The following PSMC4 variants were observed in gnomAD, a reference collection of about 807,000 sequenced individuals.
PSMC4 encodes proteasome 26S subunit, ATPase 4.
Under a neutral mutation model 48.4 loss-of-function variants are expected in PSMC4, and 13 were observed. The observed-to-expected ratio is 0.27, with a 90% CI of 0.18 to 0.43. PSMC4 has a LOEUF of 0.43. Among genes scored for constraint, PSMC4 ranks in the 20% least tolerant of loss-of-function variants. The pLI, the probability that PSMC4 is intolerant of heterozygous loss-of-function variation, is 1.00. For missense variants in PSMC4, 262 were observed against 555.9 expected, an observed-to-expected ratio of 0.47 and a Z score of 5.32; for synonymous variants, 202 against 212.3, an observed-to-expected ratio of 0.95 and a Z score of 0.42.
chr19:39,977,683 A>C (rs1568376191), intron 6 of PSMC4, among the ~76,000 whole-genome samples: 1 of 152,024 alleles, frequency 6.6e-6, no homozygotes, highest in Non-Finnish European at 1.5e-5. Context: ...TTAGCCAGGC[A>C]TGGTGGTGGG....
rs1037387156 is a variant in PSMC4, at chr19:39,974,569, T to A, written c.515T>A (p.Ile172Asn). ...VMYADIGGMD[I>N]QKQEVREAVE... ...TACGCGGACATCGGAGGCATGGACA[T>A]CCAGAAGCAGGAGGTGCGGGAGGCC... is the stretch of plus-strand genomic sequence containing the variant. Residue 172 changes from isoleucine to asparagine, a missense_variant, in exon 5 of 11, where the codon ATC (isoleucine) becomes AAC (asparagine). By Grantham distance (149) the Ile-to-Asn change is moderately radical. Coordinates refer to ENST00000157812, the MANE Select transcript of PSMC4 (RefSeq NM_006503.4). This position sits in a 1 kb window ranked among gnomAD's most constrained non-coding sequence, Gnocchi z 5.5. 6.2e-7 allele frequency: 1 copy of A among 1,613,880 alleles called. No homozygotes were observed. The highest frequency in any genetic ancestry group is 8.5e-7 in the Non-Finnish European group (1 of 1,180,002).
At chr19:39,976,592 T>G (rs1384574612) in intron 6 of PSMC4, among the ~76,000 whole-genome samples, 2 of 147,880 alleles carry the variant, frequency 1.4e-5, no homozygotes, top group Non-Finnish European at 3.0e-5. Context: ...TACTGCACGC[T>G]CTGCCTCCCA....
At chr19:39,979,654 G>A (rs1971258833) in intron 6 of PSMC4, 163 bp from the exon 7 acceptor site, 1 of 562,594 alleles carries the variant, frequency 1.8e-6, no homozygotes. Context: ...TATTCCTCAG[G>A]GCTGGATGTG....
Position 39,979,949 on chromosome 19 carries a change from C to G in PSMC4, c.806C>G (p.Ala269Gly). 6.2e-7 allele frequency: 1 copy of G among 1,614,054 alleles called. No homozygotes were observed. The highest frequency in any genetic ancestry group is 8.5e-7 in the Non-Finnish European group (1 of 1,179,980). The change falls in exon 7 of 11, where the codon GCC becomes GGC. Residue 269 changes from alanine to glycine, a missense_variant. Ala to Gly is a moderately conservative substitution (Grantham distance 60). Coordinates refer to ENST00000157812, the MANE Select transcript of PSMC4 (RefSeq NM_006503.4). ...PAIIFIDEID[A>G]IATKRFDAQT... ...ATCATCTTCATAGACGAGATTGATG[C>G]CATCGCCACCAAGAGATTCGATGCT...
chr19:39,980,766 C>T lies in PSMC4; in HGVS notation c.1143+49C>T, dbSNP rs777619101. The T allele has an allele frequency of 5.7e-6, 9 of 1,580,640 alleles. No individual in the cohort carries two copies. In the African/African-American group the frequency reaches 9.4e-5, roughly 17 times the overall value. On this transcript the variant is annotated intron_variant, in intron 10 of 10. Transcript: ENST00000157812. This position sits in a 1 kb window ranked among gnomAD's most constrained non-coding sequence, Gnocchi z 4.8. ...TCCAGGCAGCGGGTGTGTGAGGACC[C>T]TTCTTCTCTGAACCACTCTGCTGCA...
Position 39,972,512 on chromosome 19 carries a change from G to A in PSMC4, c.279G>A (p.Leu93=). 3.7e-6 allele frequency: 6 copies of A among 1,614,112 alleles called. No individual in the cohort carries two copies. The highest frequency in any genetic ancestry group is 5.1e-6 in the Non-Finnish European group (6 of 1,180,014). Residue 93 remains leucine (L), a synonymous_variant, in exon 3 of 11, where the codon CTG becomes CTA. Transcript: ENST00000157812. The stretch of plus-strand genomic sequence containing the variant: ...TCCCGCTGGTCATCGGACAATTTCT[G>A]GAGGCTGTGGATCAGAATACAGCCA... ...QSIPLVIGQF[L]EAVDQNTAIV...
chr19:39,978,925 T>C (rs1420544089), intron 6 of PSMC4, among the ~76,000 whole-genome samples: 2 of 152,072 alleles, frequency 1.3e-5, no homozygotes, highest in Admixed American at 1.3e-4. Flanking sequence ...AGAGGGAGGA[T>C]TGCTTGAGCC....
At chr19:39,978,297 G>A (rs996733712) in intron 6 of PSMC4, among the ~76,000 whole-genome samples, 2 of 152,164 alleles carry the variant, frequency 1.3e-5, no homozygotes, top group Non-Finnish European at 2.9e-5. Context: ...TGTAGTGATT[G>A]AGTAGGAAAG....
At chr19:39,975,884 A>C (rs796216507) in intron 6 of PSMC4, among the ~76,000 whole-genome samples, 7 of 152,244 alleles carry the variant, frequency 4.6e-5, no homozygotes, top group African/African-American at 1.7e-4. Flanking sequence ...AAAAAGAAAA[A>C]GACACCTAGA....
chr19:39,971,869 G>A (rs1037033121), intron 1 of PSMC4, among the ~76,000 whole-genome samples: 4 of 152,096 alleles, frequency 2.6e-5, no homozygotes. Context: ...TTGATGTGAC[G>A]TTTAGATCCT....
At chr19:39,979,561 CA>C (rs771589927) in intron 6 of PSMC4, 20,184 of 209,520 alleles carry the variant, frequency 0.096, 30 homozygotes, top group Middle Eastern at 0.15. Context: ...ACTCTGTCTC[CA>C]AAAAAAAAAA....
intron 6 of PSMC4, chr19:39,979,335 C>G (rs1364027285): frequency 6.6e-6 from 1 of 152,236 alleles, no homozygotes; most frequent in East Asian, 1.9e-4. Context: ...CTAAGGCGGG[C>G]AGATCACTTG....
At chr19:39,976,602 A>G (rs1351648947) in intron 6 of PSMC4, among the ~76,000 whole-genome samples, 5 of 141,432 alleles carry the variant, frequency 3.5e-5, no homozygotes, top group African/African-American at 5.3e-5. Context: ...TCTGCCTCCC[A>G]GGTTCACACC....
In PSMC4 at chr19:39,980,507, T is replaced by C. The variant is rs932982401; in HGVS notation, c.1087+53T>C. ...GCCCTAGTTGGGAACGGGGATTAGA[T>C]CTTCAGCTCAACTTCTGCCAGCACC... is the stretch of plus-strand genomic sequence containing the variant. On this transcript the variant is annotated intron_variant, in intron 9 of 10. Transcript: ENST00000157812. The surrounding 1 kb of genome is among the most constrained non-coding windows in gnomAD (Gnocchi z 4.8). The C allele has an allele frequency of 2.5e-6, 4 of 1,604,540 alleles. No homozygotes were observed. Among genetic ancestry groups the C allele is most frequent in the Non-Finnish European group, 3.4e-6 (4 of 1,172,370 alleles).
chr19:39,974,343 C>T lies in PSMC4; in HGVS notation c.372C>T (p.Leu124=), dbSNP rs764505345. The change falls in exon 4 of 11, where the codon CTC becomes CTT. Residue 124 remains leucine, a synonymous_variant. Transcript: ENST00000157812. The surrounding 1 kb of genome is among the most constrained non-coding windows in gnomAD (Gnocchi z 5.5). ...RILSTIDREL[L]KPNASVALHK... is the part of the protein sequence containing the mutation. ...TGAGCACCATCGATCGGGAGCTGCT[C>T]AAGCCCAACGCCTCAGTGGCCCTCC... is the stretch of plus-strand genomic sequence containing the variant. 15 of 1,614,072 alleles carry T rather than the reference C, an allele frequency of 9.3e-6. No homozygotes were observed. Among genetic ancestry groups the T allele is most frequent in the Non-Finnish European group, 1.3e-5 (15 of 1,180,048 alleles).
chr19:39,972,192 C>T lies in PSMC4; in HGVS notation c.83C>T (p.Ser28Phe), dbSNP rs143871854. The T allele has an allele frequency of 1.2e-6, 2 of 1,614,036 alleles. No homozygotes were observed. Among genetic ancestry groups the T allele is most frequent in the Admixed American group, 1.7e-5 (1 of 60,000 alleles). The change falls in exon 2 of 11, where the codon TCC becomes TTC. Residue 28 changes from serine (S) to phenylalanine (F), a missense_variant. This residue lies in a region of PSMC4 where 33 missense variants were observed against 35.5 expected (regional missense o/e 0.93). Coordinates refer to ENST00000157812, the MANE Select transcript of PSMC4 (RefSeq NM_006503.4). ...LSVSRPQTGL[S>F]FLGPEPEDLE... is the part of the protein sequence containing the mutation. Reference sequence around the variant, plus strand: ...GTGTCCCGGCCCCAGACCGGCCTGTCCTTCCTGGGCCCTGAGCCTGAGGAC... The same window carrying T: ...GTGTCCCGGCCCCAGACCGGCCTGTTCTTCCTGGGCCCTGAGCCTGAGGAC...
Position 39,974,695 on chromosome 19 carries a change from AC to A in PSMC4, c.580-36del, listed in dbSNP as rs776628764. On this transcript the variant is annotated intron_variant, in intron 5 of 10. Transcript: ENST00000157812. The surrounding 1 kb of genome is among the most constrained non-coding windows in gnomAD (Gnocchi z 5.5). ...CATTGGGTCTGGGGTTGGAGGTGGA[AC>A]CCCTGACTCCCACTTCTCTTCCTTC... The A allele has an allele frequency of 1.1e-5, 17 of 1,612,478 alleles. No individual in the cohort carries two copies. In the African/African-American group the frequency reaches 1.9e-4, roughly 18 times the overall value.
intron 3 of PSMC4, 143 bp downstream of exon 3, chr19:39,972,698 C>CATATATAT (rs148599802): frequency 3.8e-6 from 2 of 523,196 alleles, no homozygotes; most frequent in African/African-American, 4.0e-5. Flanking sequence ...GAAATACATA[C>CATATATAT]ATATATATAT....
In PSMC4 at chr19:39,981,692, A is replaced by G. The variant is rs1212453439; in HGVS notation, c.*387A>G. 6.6e-6 allele frequency among the ~76,000 whole-genome samples: 1 copy of G among 152,120 alleles called. No individual in the cohort carries two copies. Among genetic ancestry groups the G allele is most frequent in the African/African-American group, 2.4e-5 (1 of 41,416 alleles). ...CCCTCATTTCCTACAGGTAAAAGACAGTAAAGAAATTCAGGTCACAGGCCT... is the reference window on the plus strand; with the variant it reads ...CCCTCATTTCCTACAGGTAAAAGACGGTAAAGAAATTCAGGTCACAGGCCT... On this transcript the variant is annotated 3_prime_UTR_variant, in exon 11 of 11. Coordinates refer to ENST00000157812, the MANE Select transcript of PSMC4 (RefSeq NM_006503.4).
Sources: allele counts gnomAD v4.1 joint callset (sites outside exome capture counted in the v4.1 genomes callset), GRCh38; gene constraint gnomAD v4.1.1; regional missense constraint gnomAD v4.1.1; non-coding constraint Gnocchi (gnomAD v3.1); transcripts MANE v1.5; gene names NCBI Gene and HGNC (gene_info 2026-07-23, HGNC 2026-07-21).